Variants in AGT observed in about 807,000 individuals in gnomAD.
The protein encoded by AGT is angiotensinogen.
A neutral mutation model predicts 28.1 loss-of-function variants in AGT; 26 were observed. The ratio of observed to expected loss-of-function variants is 0.92; its 90% CI spans 0.68 to 1.28. AGT has a LOEUF of 1.28. Among genes scored for constraint, AGT ranks in the 50% most tolerant of loss-of-function variants. The pLI, the probability that AGT is intolerant of heterozygous loss-of-function variation, is 0.00. For missense variants in AGT, 596 were observed against 592.3 expected (o/e 1.01, Z -0.06); for synonymous variants, 259 against 259.6 (o/e 1.00, Z 0.02).
At chr1:230,708,874 G>A (rs1289907969) in intron 2 of AGT, among the ~76,000 whole-genome samples, 3 of 152,214 alleles carry the variant, frequency 2.0e-5, no homozygotes, top group East Asian at 3.9e-4. Context: ...CACCTACCAA[G>A]CATGGCGTTC....
intron 2 of AGT, among the ~76,000 whole-genome samples, chr1:230,709,393 C>A (rs528501061): frequency 2.1e-3 from 319 of 151,258 alleles, no homozygotes; most frequent in African/African-American, 7.5e-3. Flanking sequence ...ATGATGGCAC[C>A]ACTACACTGC....
chr1:230,711,108 C>A (rs1257357042), intron 1 of AGT, among the ~76,000 whole-genome samples: 2 of 152,222 alleles, frequency 1.3e-5, no homozygotes, highest in Non-Finnish European at 2.9e-5. Flanking sequence ...GTGTTGAAGT[C>A]CTCAACCCCA....
chr1:230,710,574 C>T lies in AGT; in HGVS notation c.250G>A (p.Ala84Thr). ...AACTTGTCTTCGGTGTCAAGTTTTG[C>T]AGCGACTAGCACCAGCTGGTCCTGT... ...ALQDQLVLVA[A>T]KLDTEDKLRA... Residue 84 changes from alanine (A) to threonine (T), a missense_variant, in exon 2 of 5, where the codon GCA becomes ACA. Coordinates refer to ENST00000366667, the MANE Select transcript of AGT (RefSeq NM_001384479.1). 6.2e-7 allele frequency: 1 copy of T among 1,614,258 alleles called. No individual in the cohort carries two copies. Among genetic ancestry groups the T allele is most frequent in the Non-Finnish European group, 8.5e-7 (1 of 1,180,054 alleles).
At chr1:230,706,349 G>A in intron 2 of AGT, 149 bp from the exon 3 acceptor site, 2 of 876,238 alleles carry the variant, frequency 2.3e-6, no homozygotes, top group Non-Finnish European at 3.4e-6. Flanking sequence ...GCATTCTCCT[G>A]GCCACAGGAC....
chr1:230,711,498 C>T (rs11568028), intron 1 of AGT, among the ~76,000 whole-genome samples: 12,750 of 152,174 alleles, frequency 0.084, 836 homozygotes, highest in East Asian at 0.35. Context: ...GCTGTAAGTT[C>T]TCTTCCTAGA....
intron 1 of AGT, among the ~76,000 whole-genome samples, chr1:230,731,047 A>C (rs1453316001): frequency 1.3e-5 from 2 of 152,210 alleles, no homozygotes; most frequent in African/African-American, 4.8e-5. Flanking sequence ...TTATTTCTGG[A>C]AACCAATGAG....
rs537300845 is a variant in AGT, at chr1:230,710,221, G to T, written c.603C>A (p.Gly201=). 6.2e-6 allele frequency: 10 copies of T among 1,613,606 alleles called. No individual in the cohort carries two copies. Among genetic ancestry groups the T allele is most frequent in the Non-Finnish European group, 8.5e-6 (10 of 1,179,982 alleles). The change falls in exon 2 of 5, where the codon GGC becomes GGA. Residue 201 remains glycine (G), a synonymous_variant. Coordinates refer to ENST00000366667, the MANE Select transcript of AGT (RefSeq NM_001384479.1). ...GGTGCAGGCCTGGGGCTGTGAACAC[G>T]CCCACCACCGTGGACAGCAGCAGCT... The part of the protein sequence containing the change: ...QAQLLLSTVV[G]VFTAPGLHLK...
chr1:230,743,262 A>G (rs1406209583), intron 1 of AGT, among the ~76,000 whole-genome samples: 1 of 152,170 alleles, frequency 6.6e-6, no homozygotes, highest in Non-Finnish European at 1.5e-5. Context: ...AAGTGCTGGG[A>G]TTACAGGTGT....
At chr1:230,729,514 G>A (rs901793174) in intron 1 of AGT, among the ~76,000 whole-genome samples, 1 of 152,142 alleles carries the variant, frequency 6.6e-6, no homozygotes, top group Non-Finnish European at 1.5e-5. Context: ...CCAGGCATGT[G>A]TTTCTCAAGG....
At position 230,702,800 on chromosome 1, in the gene AGT, T is replaced by C; in HGVS notation, c.*341A>G. 1 of 298,586 alleles carries C rather than the reference T, an allele frequency of 3.3e-6. No individual in the cohort carries two copies. 18.5% of individuals were successfully genotyped at this position (298,586 alleles called of 1,614,324 possible). ...TCTCAACTTGAAAAGGGAACACTTT[T>C]TTGTTTCACAAACAAGCTGGTCGGT... is the stretch of plus-strand genomic sequence containing the variant. On this transcript the variant is annotated 3_prime_UTR_variant, in exon 5 of 5. Transcript: ENST00000366667.
In AGT at chr1:230,704,343, G is replaced by A. The variant is rs1402615192; in HGVS notation, c.1098-6C>T. The A allele has an allele frequency of 1.2e-6, 2 of 1,614,046 alleles. No individual in the cohort carries two copies. The highest frequency in any genetic ancestry group is 1.7e-4 in the Middle Eastern group (1 of 6,044). On this transcript the variant is annotated splice_region_variant and splice_polypyrimidine_tract_variant and intron_variant, in intron 3 of 4. Transcript: ENST00000366667. Reference sequence around the variant, plus strand: ...GCATGGTCAGGTGGATGGTCCTGGGGAGATGATGCACAGTTAGGAAGGCTC... The same window carrying A: ...GCATGGTCAGGTGGATGGTCCTGGGAAGATGATGCACAGTTAGGAAGGCTC...
rs773616824 is a variant in AGT at position 230,704,209 on chromosome 1, C to T, written c.1226G>A (p.Arg409His). Residue 409 changes from arginine (R) to histidine (H), a missense_variant, in exon 4 of 5, where the codon CGC becomes CAC. Physicochemically the swap from Arg to His is conservative, Grantham distance 29. Coordinates refer to ENST00000366667, the MANE Select transcript of AGT (RefSeq NM_001384479.1). Reference sequence around the variant, plus strand: ...CACACATACCTCCCCCACCCTGATGCGGTCATTGCTCAATTTTTGCAGGTT... The same window carrying T: ...CACACATACCTCCCCCACCCTGATGTGGTCATTGCTCAATTTTTGCAGGTT... ...ELNLQKLSND[R>H]IRVGEVLNSI... 33 of 1,614,216 alleles carry T rather than the reference C, an allele frequency of 2.0e-5. No individual in the cohort carries two copies. The highest frequency in any genetic ancestry group is 2.5e-5 in the Non-Finnish European group (29 of 1,180,032).
At chr1:230,730,710 T>A (rs1190008380) in intron 1 of AGT, among the ~76,000 whole-genome samples, 1 of 152,172 alleles carries the variant, frequency 6.6e-6, no homozygotes, top group Non-Finnish European at 1.5e-5. Flanking sequence ...AATGAGAGTG[T>A]TTTCTTTCTT....
intron 1 of AGT, among the ~76,000 whole-genome samples, chr1:230,729,598 G>A (rs1458064504): frequency 3.9e-5 from 6 of 152,170 alleles, no homozygotes; most frequent in African/African-American, 1.4e-4. Context: ...GTCTGTGGGA[G>A]GGTGACAGCC....
chr1:230,716,491 C>T (rs61764034), upstream of AGT, among the ~76,000 whole-genome samples: 1 of 152,218 alleles, frequency 6.6e-6, no homozygotes, highest in Non-Finnish European at 1.5e-5. Flanking sequence ...ACCCAAATCT[C>T]CAATTGTAGC....
At chr1:230,745,329 C>T (rs942842843) in intron 1 of AGT, among the ~76,000 whole-genome samples, 9 of 152,176 alleles carry the variant, frequency 5.9e-5, no homozygotes, top group African/African-American at 9.7e-5. Flanking sequence ...TCCACAAACC[C>T]GCCATGCCTC....
intron 1 of AGT, among the ~76,000 whole-genome samples, chr1:230,712,792 C>T (rs1021784303): frequency 6.6e-5 from 10 of 152,186 alleles, no homozygotes; most frequent in African/African-American, 1.9e-4. Context: ...CAGGTCTGCA[C>T]GCAGCCGCGT....
intron 1 of AGT, among the ~76,000 whole-genome samples, chr1:230,735,132 G>T (rs927460419): frequency 6.6e-6 from 1 of 152,058 alleles, no homozygotes; most frequent in Non-Finnish European, 1.5e-5. Context: ...TAGGCCTCCC[G>T]CCCTCCTGCA....
intron 1 of AGT, among the ~76,000 whole-genome samples, chr1:230,726,358 G>C (rs893484904): frequency 6.6e-6 from 1 of 152,016 alleles, no homozygotes; most frequent in Non-Finnish European, 1.5e-5. Flanking sequence ...CAAGCATTTT[G>C]TCCTCAGATA....
Sources: gnomAD v4.1 joint callset for allele counts (sites outside exome capture counted in the v4.1 genomes callset) on GRCh38, gnomAD v4.1.1 for gene constraint, MANE v1.5 for transcripts, NCBI Gene and HGNC (gene_info 2026-07-23, HGNC 2026-07-21) for gene names.